The following ADGRD2 variants were observed in gnomAD, a reference collection of about 807,000 sequenced individuals.
The protein encoded by ADGRD2 is adhesion G protein-coupled receptor D2.
In ADGRD2, 71 loss-of-function variants were observed where a neutral mutation model predicts 44.4. That is an observed-to-expected ratio of 1.60 (90% confidence interval 1.32 to 1.95). The LOEUF (loss-of-function observed/expected upper bound fraction) is 1.95, where lower values mean the gene tolerates loss of function less well. Among genes scored for constraint, ADGRD2 ranks in the 30% most tolerant of loss-of-function variants. ADGRD2 has a pLI of 0.00. For missense variants in ADGRD2, 1,039 were observed against 512.4 expected, an observed-to-expected ratio of 2.03 and a Z score of -9.92; for synonymous variants, 481 against 224.8, an observed-to-expected ratio of 2.14 and a Z score of -10.19.
exon 3 of ADGRD2, chr9:124,453,469 C>T (rs760577316): frequency 1.4e-6 from 1 of 702,684 alleles, no homozygotes; most frequent in Non-Finnish European, 2.6e-6. Flanking sequence ...TCAGGACTCT[C>T]TGGGCGGTGG....
At chr9:124,452,017 C>CCCCAGGGGGG, upstream of ADGRD2, 1 of 563,666 alleles carries the variant, frequency 1.8e-6, no homozygotes. Context: ...CACCCACCCC[C>CCCCAGGGGGG]AGAGTAGGCA....
intron 11 of ADGRD2, chr9:124,467,350 A>C (rs752859183): frequency 0.02 from 3,479 of 173,286 alleles, 56 homozygotes; most frequent in South Asian, 0.029. Flanking sequence ...CAAAAAAAAA[A>C]AAAAAAAAAA....
At chr9:124,452,487 A>G (rs917935041) in intron 1 of ADGRD2, 23 bp from the exon 5 acceptor site, 1 of 718,192 alleles carries the variant, frequency 1.4e-6, no homozygotes, top group Non-Finnish European at 2.6e-6. Context: ...TGCACCCCCC[A>G]CCGTCTCTCT....
chr9:124,457,538 G>A (rs1170771258), exon 8 of ADGRD2: 2 of 689,386 alleles, frequency 2.9e-6, no homozygotes, highest in South Asian at 3.1e-5. Flanking sequence ...ACAATGCCTG[G>A]TGGGCGTCCA....
chr9:124,452,264 AG>A lies in ADGRD2; in HGVS notation c.68+107del, dbSNP rs1380206621. 1.7e-5 allele frequency: 11 copies of A among 635,594 alleles called. No homozygotes were observed. The Admixed American group carries it at 2.8e-4, about 16-fold the overall frequency. 39.4% of individuals were successfully genotyped at this position (635,594 alleles called of 1,614,324 possible). ...GCAAAGGAGGGGAAGAGTAACATTT[AG>A]TTCCACCCCCACCATACCAGGCCCT... is the stretch of plus-strand genomic sequence containing the variant. On this transcript the variant is annotated intron_variant, in intron 1 of 21. Coordinates refer to ENST00000334810, the Ensembl canonical transcript of ADGRD2.
intron 17 of ADGRD2, among the ~76,000 whole-genome samples, chr9:124,472,456 GT>G (rs796266562): frequency 9.2e-5 from 2 of 21,632 alleles, no homozygotes; most frequent in East Asian, 3.1e-3. Flanking sequence ...TTGTTTGTTT[GT>G]TTTTTGTTTG....
chr9:124,476,444 G>T (rs1832050655), intron 20 of ADGRD2, 29 bp downstream of exon 23: 1 of 696,194 alleles, frequency 1.4e-6, no homozygotes, highest in Admixed American at 2.0e-5. Context: ...GGGCCGCACA[G>T]GGCTCTGCCA....
Position 124,456,785 on chromosome 9 carries a change from G to A in ADGRD2, c.1505+52G>A, listed in dbSNP as rs10986348. 1.3e-3 allele frequency: 930 copies of A among 701,444 alleles called. 10 individuals are homozygous for A. In the East Asian group the frequency reaches 0.022, roughly 17 times the overall value. 43.5% of individuals were successfully genotyped at this position (701,444 alleles called of 1,614,324 possible). A position where few individuals can be genotyped will look rare whatever the true frequency, so the allele number is the denominator to read the frequency against. On this transcript the variant is annotated intron_variant, in intron 7 of 21. Transcript: ENST00000334810. ...GGCTGGACTCAGACCTCCCTCCTCA[G>A]CCCTGGTGACTGGGAGCTGTCTGAA...
intron 10 of ADGRD2, among the ~76,000 whole-genome samples, chr9:124,463,571 C>T (rs1469869465): frequency 2.0e-5 from 3 of 152,148 alleles, no homozygotes; most frequent in South Asian, 4.1e-4. Flanking sequence ...CTCTGGACCT[C>T]GTGTGTTCTT....
chr9:124,457,488 C>A (rs774734328), exon 8 of ADGRD2: 2 of 656,528 alleles, frequency 3.0e-6, no homozygotes, highest in South Asian at 3.3e-5. Flanking sequence ...AGGTGCGGAG[C>A]TTACGCTTGA....
chr9:124,471,929 G>C (rs1006801901), intron 17 of ADGRD2, among the ~76,000 whole-genome samples: 2 of 152,238 alleles, frequency 1.3e-5, no homozygotes, highest in African/African-American at 2.4e-5. Context: ...ACGCCCCCCA[G>C]GGCTTCATGG....
chr9:124,458,836 G>A (rs1209123309), intron 10 of ADGRD2, 115 bp downstream of exon 13: 1 of 618,312 alleles, frequency 1.6e-6, no homozygotes, highest in Non-Finnish European at 3.0e-6. Context: ...GCACACAAAA[G>A]GTACCTGCAA....
chr9:124,460,745 T>C (rs1328651648), intron 10 of ADGRD2, among the ~76,000 whole-genome samples: 1 of 152,160 alleles, frequency 6.6e-6, no homozygotes, highest in Non-Finnish European at 1.5e-5. Flanking sequence ...TGGGCTATTA[T>C]GAATAAGTCT....
intron 10 of ADGRD2, among the ~76,000 whole-genome samples, chr9:124,459,801 A>G (rs185905079): frequency 6.4e-4 from 87 of 134,984 alleles, no homozygotes; most frequent in African/African-American, 2.3e-3. Flanking sequence ...GTTATATGCA[A>G]ATACCATGCC....
intron 17 of ADGRD2, among the ~76,000 whole-genome samples, chr9:124,472,830 T>C (rs1306171279): frequency 4.6e-5 from 7 of 152,180 alleles, no homozygotes; most frequent in Non-Finnish European, 1.0e-4. Flanking sequence ...TCTTTTTATC[T>C]CTGCCTCTCC....
rs1031776351 is a variant in ADGRD2 at position 124,466,411 on chromosome 9, C to T, written c.2026C>T (p.Gln676Ter). The stretch of plus-strand genomic sequence containing the variant: ...CATCCTGCTGCAAATCTATGAAGTA[C>T]AGGTGAGTGCACGGTGGGAGGGGGG... Residue 676 changes from glutamine (Q) to a stop codon, truncating the protein, a stop_gained and splice_region_variant, in exon 11 of 22, where the codon CAG becomes TAG. Transcript: ENST00000334810. LOFTEE classifies it high-confidence loss of function. 2 of 710,416 alleles carry T rather than the reference C, an allele frequency of 2.8e-6. No individual in the cohort carries two copies. The highest frequency in any genetic ancestry group is 1.8e-5 in the African/African-American group (1 of 57,016). 44.0% of individuals were successfully genotyped at this position (710,416 alleles called of 1,614,324 possible).
chr9:124,473,963 T>C (rs1245001597), intron 17 of ADGRD2, among the ~76,000 whole-genome samples: 2 of 151,096 alleles, frequency 1.3e-5, no homozygotes, highest in Admixed American at 1.3e-4. Flanking sequence ...CAGAGTGGGG[T>C]CCTCAAAGCT....
chr9:124,463,148 T>C (rs1831752419), intron 10 of ADGRD2, among the ~76,000 whole-genome samples: 1 of 152,210 alleles, frequency 6.6e-6, no homozygotes, highest in Non-Finnish European at 1.5e-5. Flanking sequence ...TAGATGTCCA[T>C]CAAATCAAGT....
chr9:124,477,211 G>T (rs1400708913), intron 21 of ADGRD2: 4 of 381,116 alleles, frequency 1.0e-5, no homozygotes, highest in Non-Finnish European at 2.1e-5. Flanking sequence ...CTGAGCAGTG[G>T]CAGGGTGGGT....
Sources: gnomAD v4.1 joint callset for allele counts (sites outside exome capture counted in the v4.1 genomes callset) on GRCh38, gnomAD v4.1.1 for gene constraint, MANE v1.5 for transcripts, NCBI Gene and HGNC (gene_info 2026-07-23, HGNC 2026-07-21) for gene names.